The following CNTNAP2 variants were observed in gnomAD, a reference collection of about 807,000 sequenced individuals.
CNTNAP2 encodes contactin-associated protein-like 2.
A neutral mutation model predicts 155.2 loss-of-function variants in CNTNAP2; 98 were observed. The observed-to-expected ratio is 0.63, with a 90% CI of 0.54 to 0.75. CNTNAP2 has a LOEUF of 0.75. CNTNAP2 is among the 30% of genes least tolerant of loss of function. The pLI is 0.00. For synonymous variants in CNTNAP2, 651 were observed against 631.2 expected (o/e 1.03, Z -0.47); for missense variants, 1,727 against 1,688.1 (o/e 1.02, Z -0.40).
chr7:146,655,893 ACTTTT>A (rs1799988660), intron 1 of CNTNAP2, among the ~76,000 whole-genome samples: 1 of 152,202 alleles, frequency 6.6e-6, no homozygotes, highest in South Asian at 2.1e-4. Context: ...TGGTTTGTGT[ACTTTT>A]CTTTCCTTGT....
At chr7:146,620,179 G>A (rs1180161588) in intron 1 of CNTNAP2, among the ~76,000 whole-genome samples, 1 of 152,100 alleles carries the variant, frequency 6.6e-6, no homozygotes, top group Non-Finnish European at 1.5e-5. Flanking sequence ...ACTTTGAGTT[G>A]TCTCCATAAA....
intron 8 of CNTNAP2, among the ~76,000 whole-genome samples, chr7:147,257,668 A>G (rs1804363775): frequency 6.6e-6 from 1 of 152,234 alleles, no homozygotes; most frequent in Admixed American, 6.5e-5. Flanking sequence ...AAATGACGCT[A>G]GGAAATTGGG....
chr7:146,562,034 C>T (rs1191175741), intron 1 of CNTNAP2, among the ~76,000 whole-genome samples: 10 of 152,136 alleles, frequency 6.6e-5, no homozygotes, highest in Non-Finnish European at 1.2e-4. Flanking sequence ...AAGCAATCCT[C>T]CTGCCTTGGC....
chr7:147,555,379 C>A (rs1222930949), intron 11 of CNTNAP2, among the ~76,000 whole-genome samples: 1 of 152,132 alleles, frequency 6.6e-6, no homozygotes, highest in African/African-American at 2.4e-5. Context: ...GAAAACCAAT[C>A]CCTCATTTTA....
chr7:146,144,568 G>A (rs1228875127), intron 1 of CNTNAP2, among the ~76,000 whole-genome samples: 1 of 152,172 alleles, frequency 6.6e-6, no homozygotes, highest in Non-Finnish European at 1.5e-5. Context: ...GAGTGTATGT[G>A]TAAAACTCTA....
intron 14 of CNTNAP2, among the ~76,000 whole-genome samples, chr7:147,941,534 A>G (rs1800721682): frequency 6.6e-6 from 1 of 152,198 alleles, no homozygotes; most frequent in Admixed American, 6.5e-5. Flanking sequence ...AGCTTTGCAG[A>G]CAGAAAATAG....
At chr7:146,761,237 CAAGTT>C (rs1311217334) in intron 1 of CNTNAP2, among the ~76,000 whole-genome samples, 1 of 150,832 alleles carries the variant, frequency 6.6e-6, no homozygotes, top group African/African-American at 2.4e-5. Flanking sequence ...AGATATTAAA[CAAGTT>C]AATACGCAGA....
In CNTNAP2 at chr7:146,839,928, A is replaced by T. The variant is rs192758780; in HGVS notation, c.402+24A>T. The T allele has an allele frequency of 2.3e-5, 37 of 1,612,810 alleles. No individual in the cohort carries two copies. In the East Asian group the frequency reaches 4.5e-4, roughly 19 times the overall value. ...GGGTAAGTCATTGGCAGGAAAGCAAAGACACAGAATTGGATTGGAAATATT... is the reference window on the plus strand; with the variant it reads ...GGGTAAGTCATTGGCAGGAAAGCAATGACACAGAATTGGATTGGAAATATT... On this transcript the variant is annotated intron_variant, in intron 3 of 23. Transcript: ENST00000361727.
chr7:146,976,647 A>G (rs1027206116), intron 3 of CNTNAP2, among the ~76,000 whole-genome samples: 2 of 152,142 alleles, frequency 1.3e-5, no homozygotes, highest in Admixed American at 6.5e-5. Context: ...ACCCTCTAGG[A>G]ACCTCCATGT....
At chr7:147,440,715 A>T (rs528077227) in intron 10 of CNTNAP2, among the ~76,000 whole-genome samples, 83 of 152,284 alleles carry the variant, frequency 5.5e-4, no homozygotes, top group Non-Finnish European at 9.7e-4. Flanking sequence ...TCACGTTCGA[A>T]GGATATTTTC....
intron 17 of CNTNAP2, among the ~76,000 whole-genome samples, chr7:148,154,936 C>CA (rs113236445): frequency 0.025 from 3,253 of 128,752 alleles, 67 homozygotes; most frequent in African/African-American, 0.061. Context: ...GACCACATCT[C>CA]AAAAAAAAAA....
chr7:146,177,242 C>T (rs1002169264), intron 1 of CNTNAP2, among the ~76,000 whole-genome samples: 15 of 152,160 alleles, frequency 9.9e-5, no homozygotes, highest in Non-Finnish European at 2.1e-4. Context: ...GCCTGTTTTG[C>T]TTGACTAAGT....
At chr7:146,571,856 C>T (rs1267636203) in intron 1 of CNTNAP2, among the ~76,000 whole-genome samples, 7 of 151,854 alleles carry the variant, frequency 4.6e-5, no homozygotes, top group Admixed American at 2.0e-4. Context: ...CTCAGGTTCC[C>T]GAGTAGCTGG....
chr7:146,588,146 T>G (rs1798725289), intron 1 of CNTNAP2, among the ~76,000 whole-genome samples: 1 of 152,122 alleles, frequency 6.6e-6, no homozygotes. Flanking sequence ...CTCTCCCACC[T>G]TCAGAAGTTT....
intron 3 of CNTNAP2, among the ~76,000 whole-genome samples, chr7:146,864,090 C>A (rs745854426): frequency 5.3e-5 from 8 of 151,864 alleles, no homozygotes; most frequent in Non-Finnish European, 1.0e-4. Flanking sequence ...TGTATAATAT[C>A]ATTCAGTGTT....
Position 146,865,399 on chromosome 7 carries a change from A to G in CNTNAP2, c.402+25495A>G, listed in dbSNP as rs75987459. Among the ~76,000 whole-genome samples the G allele has an allele frequency of 8.2e-3, 1,253 of 152,272 alleles. 13 individuals are homozygous for G. Among genetic ancestry groups the G allele is most frequent in the African/African-American group, 0.029 (1,192 of 41,570 alleles). ...AATTGGAGGAAATACAAGAATTTCA[A>G]AAATTACTATAAACTTATAATAAAG... On this transcript the variant is annotated intron_variant, in intron 3 of 23. Coordinates refer to ENST00000361727, the MANE Select transcript of CNTNAP2 (RefSeq NM_014141.6).
intron 1 of CNTNAP2, among the ~76,000 whole-genome samples, chr7:146,617,564 A>G (rs1799247005): frequency 6.6e-6 from 1 of 152,186 alleles, no homozygotes; most frequent in Non-Finnish European, 1.5e-5. Flanking sequence ...AATAAATATC[A>G]AAGTTACACT....
At chr7:148,343,217 G>A (rs1474396499) in intron 21 of CNTNAP2, among the ~76,000 whole-genome samples, 2 of 152,168 alleles carry the variant, frequency 1.3e-5, no homozygotes, top group African/African-American at 4.8e-5. Flanking sequence ...ATAGCCATGA[G>A]GCATCTGTGA....
intron 3 of CNTNAP2, among the ~76,000 whole-genome samples, chr7:146,998,029 G>C (rs12540655): frequency 0.23 from 35,346 of 151,604 alleles, 5,336 homozygotes; most frequent in African/African-American, 0.43. Flanking sequence ...TTTGTAGTCT[G>C]TATTTTATTT....
Sources: allele counts gnomAD v4.1 joint callset (sites outside exome capture counted in the v4.1 genomes callset), GRCh38; gene constraint gnomAD v4.1.1; transcripts MANE v1.5; gene names NCBI Gene and HGNC (gene_info 2026-07-23, HGNC 2026-07-21).